ZEB2: variants seen among roughly 807,000 people sequenced by gnomAD.
ZEB2 encodes the protein zinc finger E-box binding homeobox 2.
ZEB2 carries 6 observed loss-of-function variants against 99.9 expected under a neutral mutation model. The observed-to-expected ratio is 0.06, with a 90% confidence interval of 0.03 to 0.12. ZEB2 has a LOEUF of 0.12. Ranked by LOEUF, ZEB2 falls within the 10% of genes least tolerant of loss-of-function variation. The probability of loss-of-function intolerance (pLI) is 1.00; values close to 1 mark genes in which losing one functional copy is unlikely to be tolerated. For synonymous variants in ZEB2, 517 were observed against 542.5 expected, an observed-to-expected ratio of 0.95 and a Z score of 0.65; for missense variants, 969 against 1,502.8, an observed-to-expected ratio of 0.64 and a Z score of 5.87.
intron 2 of ZEB2, among the ~76,000 whole-genome samples, chr2:144,452,527 T>G (rs926056090): frequency 2.6e-5 from 4 of 152,194 alleles, no homozygotes; most frequent in African/African-American, 9.6e-5. Context: ...CATACAACAT[T>G]ATTCAACTAC....
chr2:144,501,805 A>G (rs533213524), intron 2 of ZEB2, among the ~76,000 whole-genome samples: 1 of 152,348 alleles, frequency 6.6e-6, no homozygotes, highest in African/African-American at 2.4e-5. Flanking sequence ...TTACATGTCT[A>G]AATCTTGTTC....
chr2:144,406,532 T>C (rs1412991006), intron 4 of ZEB2, among the ~76,000 whole-genome samples: 4 of 152,004 alleles, frequency 2.6e-5, no homozygotes, highest in Non-Finnish European at 4.4e-5. Context: ...AAGAGCAGCA[T>C]GTGCAATGTG....
chr2:144,395,954 TAA>T (rs34026047), intron 9 of ZEB2, among the ~76,000 whole-genome samples: 1 of 149,156 alleles, frequency 6.7e-6, no homozygotes, highest in Non-Finnish European at 1.5e-5. Context: ...GTGGCGAATT[TAA>T]AAAAAAAAGG....
chr2:144,437,115 G>A (rs916706939), intron 2 of ZEB2, among the ~76,000 whole-genome samples: 1 of 152,092 alleles, frequency 6.6e-6, no homozygotes, highest in Non-Finnish European at 1.5e-5. Flanking sequence ...GTGAGTTTTT[G>A]TAGTTATTTC....
At chr2:144,437,225 A>G (rs1170389070) in intron 2 of ZEB2, among the ~76,000 whole-genome samples, 1 of 152,208 alleles carries the variant, frequency 6.6e-6, no homozygotes, top group Non-Finnish European at 1.5e-5. Flanking sequence ...AACACAAGTC[A>G]ATAATGCCCT....
chr2:144,432,094 T>C (rs140439619), intron 2 of ZEB2, among the ~76,000 whole-genome samples: 13 of 151,454 alleles, frequency 8.6e-5, no homozygotes, highest in Non-Finnish European at 1.0e-4. Context: ...AGCAATACAA[T>C]TGAAATATTT....
rs1703055095 is a variant in ZEB2 at position 144,384,499 on chromosome 2, G to A, written c.*4952C>T. On this transcript the variant is annotated 3_prime_UTR_variant, in exon 10 of 10. Coordinates refer to ENST00000627532, the MANE Select transcript of ZEB2 (RefSeq NM_014795.4). Reference sequence around the variant, plus strand: ...CCTACTAGCCCAAAAAGAACATGTTGCCAATTATCTCCATGTTTATTTAAA... The same window carrying A: ...CCTACTAGCCCAAAAAGAACATGTTACCAATTATCTCCATGTTTATTTAAA... The A allele has an allele frequency of 6.6e-6, 1 of 151,828 alleles. No individual in the cohort carries two copies. Among genetic ancestry groups the A allele is most frequent in the African/African-American group, 2.4e-5 (1 of 41,320 alleles). The allele number at this position is 151,828 out of a possible 1,614,324, so 9.4% of individuals were successfully genotyped here.
rs1437620260 is a variant in ZEB2, at chr2:144,424,670, C to A, written c.403+126G>T. ...TTTTGATTTGAAACAAAACCAGAGA[C>A]CTGTAAAGTTGACTACTTGTTAAGT... On this transcript the variant is annotated intron_variant, in intron 4 of 9. Coordinates refer to ENST00000627532, the MANE Select transcript of ZEB2 (RefSeq NM_014795.4). 8.0e-6 allele frequency: 9 copies of A among 1,121,244 alleles called. No homozygotes were observed. The South Asian group carries it at 8.9e-5, about 11-fold the overall frequency. The allele number at this position is 1,121,244 out of a possible 1,614,324, so 69.5% of individuals were successfully genotyped here. A position where few individuals can be genotyped will look rare whatever the true frequency, so the allele number is the denominator to read the frequency against.
intron 2 of ZEB2, among the ~76,000 whole-genome samples, chr2:144,455,398 A>T (rs1002962093): frequency 1.3e-5 from 2 of 152,174 alleles, no homozygotes; most frequent in Admixed American, 1.3e-4. Context: ...GCTCCATAGT[A>T]ATGTAGGTAA....
rs1043036555 is a variant in ZEB2, at chr2:144,426,263, T to C, written c.332-1396A>G. Among the ~76,000 whole-genome samples the C allele has an allele frequency of 2.0e-5, 3 of 152,296 alleles. No homozygotes were observed. In the East Asian group the frequency reaches 5.8e-4, roughly 29 times the overall value. ...TTTAGAAGTTTAATATATAGCAATA[T>C]TGTATTGTCAATTGTAATCATTGAT... On this transcript the variant is annotated intron_variant, in intron 3 of 9. Coordinates refer to ENST00000627532, the MANE Select transcript of ZEB2 (RefSeq NM_014795.4).
intron 2 of ZEB2, among the ~76,000 whole-genome samples, chr2:144,488,720 G>A (rs1181690987): frequency 6.6e-6 from 1 of 150,580 alleles, no homozygotes; most frequent in Non-Finnish European, 1.5e-5. Context: ...ATTGGCTCAT[G>A]GGAGACAAAC....
intron 2 of ZEB2, chr2:144,512,956 C>T (rs1029548925): frequency 3.9e-6 from 5 of 1,287,192 alleles, no homozygotes; most frequent in South Asian, 3.7e-5. Flanking sequence ...ATCAACTTTA[C>T]GAAGAAAGCT....
At chr2:144,484,066 G>A (rs1704557384) in intron 2 of ZEB2, among the ~76,000 whole-genome samples, 1 of 152,052 alleles carries the variant, frequency 6.6e-6, no homozygotes, top group African/African-American at 2.4e-5. Flanking sequence ...GCAGGTGAGG[G>A]AAGTTGATTG....
At chr2:144,519,426 A>AC in intron 1 of ZEB2, 1 of 141,828 alleles carries the variant, frequency 7.1e-6, no homozygotes, top group Non-Finnish European at 1.6e-5. Context: ...TCTCGGTGGG[A>AC]GAGGATGAAC....
intron 2 of ZEB2, among the ~76,000 whole-genome samples, chr2:144,506,847 C>G (rs1210531717): frequency 6.6e-6 from 1 of 151,868 alleles, no homozygotes; most frequent in East Asian, 1.9e-4. Context: ...AAATAAGAAA[C>G]AGTATATAAA....
intron 2 of ZEB2, among the ~76,000 whole-genome samples, chr2:144,460,802 A>G (rs1030830061): frequency 3.9e-5 from 6 of 152,170 alleles, no homozygotes; most frequent in Non-Finnish European, 7.3e-5. Flanking sequence ...TGAATGTTGC[A>G]GTTACAAAAG....
chr2:144,488,609 C>T (rs995173361), intron 2 of ZEB2, among the ~76,000 whole-genome samples: 2 of 151,276 alleles, frequency 1.3e-5, no homozygotes, highest in African/African-American at 4.9e-5. Flanking sequence ...GGAAAAGTTG[C>T]TTAAATAACA....
chr2:144,475,827 CA>C (rs1255210939), intron 2 of ZEB2, among the ~76,000 whole-genome samples: 1 of 152,202 alleles, frequency 6.6e-6, no homozygotes, highest in East Asian at 1.9e-4. Context: ...TCTACCACCT[CA>C]GTAGCAGGTT....
At chr2:144,492,448 AC>A (rs1426973508) in intron 2 of ZEB2, among the ~76,000 whole-genome samples, 1 of 152,190 alleles carries the variant, frequency 6.6e-6, no homozygotes, top group East Asian at 1.9e-4. Flanking sequence ...TTGGCACTTT[AC>A]CTGTTACCAG....
Sources: gnomAD v4.1 joint callset for allele counts (sites outside exome capture counted in the v4.1 genomes callset) on GRCh38, gnomAD v4.1.1 for gene constraint, MANE v1.5 for transcripts, NCBI Gene and HGNC (gene_info 2026-07-23, HGNC 2026-07-21) for gene names.